Variants in ADGB observed in about 807,000 individuals in gnomAD.
The protein encoded by ADGB is calpain-7-like protein.
ADGB carries 172 observed loss-of-function variants against 210.5 expected under a neutral mutation model. The ratio of observed to expected loss-of-function variants is 0.82; its 90% confidence interval spans 0.72 to 0.93. The LOEUF is 0.93. Ranked by LOEUF, ADGB falls within the 40% of genes least tolerant of loss-of-function variation. The pLI, the probability that ADGB is intolerant of heterozygous loss-of-function variation, is 0.00. For synonymous variants in ADGB, 658 were observed against 662.7 expected (o/e 0.99, Z 0.11); for missense variants, 2,025 against 1,964.8 (o/e 1.03, Z -0.58).
chr6:146,772,508 G>A (rs1320641518), intron 29 of ADGB, among the ~76,000 whole-genome samples: 3 of 147,478 alleles, frequency 2.0e-5, no homozygotes, highest in African/African-American at 4.9e-5. Context: ...TTTGAATGGG[G>A]AAAATAATAA....
At chr6:146,721,380 A>C in intron 16 of ADGB, 23 bp from the exon 17 acceptor site, 1 of 1,388,868 alleles carries the variant, frequency 7.2e-7, no homozygotes, top group South Asian at 1.2e-5. Flanking sequence ...ATTAAGTATG[A>C]CAACTGGTCT....
intron 13 of ADGB, among the ~76,000 whole-genome samples, chr6:146,706,338 C>A (rs984518020): frequency 6.6e-6 from 1 of 151,612 alleles, no homozygotes; most frequent in African/African-American, 2.4e-5. Flanking sequence ...CGGGTCACTG[C>A]AACCTCTGCC....
At chr6:146,740,318 A>AC in intron 23 of ADGB, 141 bp from the exon 24 acceptor site, 1 of 729,378 alleles carries the variant, frequency 1.4e-6, no homozygotes, top group Non-Finnish European at 2.2e-6. Flanking sequence ...GACTACACAG[A>AC]CCCCCTTTGA....
Position 146,672,320 on chromosome 6 carries a change from G to A in ADGB, c.940G>A (p.Asp314Asn). ...CTCTGAAAGCAAAATAGCAGTGTTAGATTCTAAATTAAAAGAACCAGGGAA... is the reference window on the plus strand; with the variant it reads ...CTCTGAAAGCAAAATAGCAGTGTTAAATTCTAAATTAAAAGAACCAGGGAA... ...ASSESKIAVL[D>N]SKLKEPGKEG... The change falls in exon 8 of 36, where the codon GAT becomes AAT. Residue 314 changes from aspartate (D) to asparagine (N), a missense_variant. Transcript: ENST00000397944. 2 of 1,551,228 alleles carry A rather than the reference G, an allele frequency of 1.3e-6. No homozygotes were observed. The highest frequency in any genetic ancestry group is 1.7e-6 in the Non-Finnish European group (2 of 1,146,796).
chr6:146,742,273 A>AT (rs1380334263), intron 25 of ADGB, among the ~76,000 whole-genome samples: 5 of 151,798 alleles, frequency 3.3e-5, no homozygotes, highest in South Asian at 2.1e-4. Context: ...TTCTTGAAAG[A>AT]TTTTTTACCA....
intron 33 of ADGB, among the ~76,000 whole-genome samples, chr6:146,789,198 A>G (rs1777921355): frequency 6.6e-6 from 1 of 152,154 alleles, no homozygotes; most frequent in African/African-American, 2.4e-5. Flanking sequence ...AAAGGGAACT[A>G]AATGTCCTAT....
chr6:146,663,051 AAAT>A (rs1423067244), intron 5 of ADGB, among the ~76,000 whole-genome samples: 4 of 144,292 alleles, frequency 2.8e-5, no homozygotes, highest in African/African-American at 7.6e-5. Flanking sequence ...ATATAGATCA[AAAT>A]AATCTTATTA....
intron 1 of ADGB, among the ~76,000 whole-genome samples, chr6:146,609,436 C>T (rs1780675102): frequency 6.6e-6 from 1 of 152,102 alleles, no homozygotes; most frequent in Non-Finnish European, 1.5e-5. Flanking sequence ...GTTACGTAGA[C>T]TTGTCTGTGT....
At chr6:146,704,007 A>G (rs1400242373) in intron 13 of ADGB, among the ~76,000 whole-genome samples, 3 of 151,892 alleles carry the variant, frequency 2.0e-5, no homozygotes, top group African/African-American at 7.2e-5. Flanking sequence ...CCATTTTAAC[A>G]GGTGTGAAGT....
At chr6:146,658,638 A>C (rs1775816232) in intron 5 of ADGB, among the ~76,000 whole-genome samples, 3 of 152,210 alleles carry the variant, frequency 2.0e-5, no homozygotes, top group Admixed American at 2.0e-4. Flanking sequence ...ATTCATTAAC[A>C]TCACTTTCCA....
intron 14 of ADGB, among the ~76,000 whole-genome samples, chr6:146,716,645 T>C (rs997823323): frequency 1.4e-5 from 2 of 146,072 alleles, no homozygotes; most frequent in Non-Finnish European, 3.0e-5. Context: ...AACAAATTCG[T>C]CAAAGTAATT....
At chr6:146,631,934 G>A (rs1781071930) in intron 1 of ADGB, among the ~76,000 whole-genome samples, 1 of 150,518 alleles carries the variant, frequency 6.6e-6, no homozygotes, top group Admixed American at 6.6e-5. Flanking sequence ...TCTGCTAGCT[G>A]CATTTAGGTC....
intron 1 of ADGB, among the ~76,000 whole-genome samples, chr6:146,600,922 A>G (rs1294398352): frequency 1.2e-5 from 1 of 83,442 alleles, no homozygotes; most frequent in African/African-American, 4.7e-5. Flanking sequence ...CCCCTCCCCC[A>G]TGCGCACACA....
chr6:146,746,078 T>C lies in ADGB; in HGVS notation c.3334T>C (p.Tyr1112His), dbSNP rs1276386365. ...TGCCATAAAGGAAATCCGAGATTAC[T>C]ACATACCCAATGATAAGAAAATTTT... ...SFAIKEIRDY[Y>H]IPNDKKILFR... is the part of the protein sequence containing the mutation. The change falls in exon 26 of 36, where the codon TAC becomes CAC. Residue 1112 changes from tyrosine to histidine, a missense_variant. Tyr to His is a moderately conservative substitution (Grantham distance 83). Coordinates refer to ENST00000397944, the MANE Select transcript of ADGB (RefSeq NM_024694.4). 9 of 1,547,616 alleles carry C rather than the reference T, an allele frequency of 5.8e-6. No homozygotes were observed. The highest frequency in any genetic ancestry group is 7.9e-6 in the Non-Finnish European group (9 of 1,144,542).
In ADGB at chr6:146,742,968, G is replaced by A. The variant is rs536102686; in HGVS notation, c.3177+1697G>A. ...AAGACAATTCTTCCACTGTGGCCCA[G>A]GGAAGCCAAATATTGGAAACCCCTC... On this transcript the variant is annotated intron_variant, in intron 25 of 35. Coordinates refer to ENST00000397944, the MANE Select transcript of ADGB (RefSeq NM_024694.4). Among the ~76,000 whole-genome samples, 4 of 152,162 alleles carry A rather than the reference G, an allele frequency of 2.6e-5. No individual in the cohort carries two copies. The East Asian group carries it at 7.7e-4, about 29-fold the overall frequency.
At chr6:146,765,884 A>G (rs990681049) in intron 28 of ADGB, among the ~76,000 whole-genome samples, 8 of 151,980 alleles carry the variant, frequency 5.3e-5, no homozygotes, top group African/African-American at 1.9e-4. Flanking sequence ...TAATGATGAG[A>G]GCAGAAATCA....
intron 9 of ADGB, among the ~76,000 whole-genome samples, chr6:146,683,859 T>A (rs1400998079): frequency 6.6e-6 from 1 of 152,130 alleles, no homozygotes; most frequent in Non-Finnish European, 1.5e-5. Flanking sequence ...TGTGATAATA[T>A]TAAATATTAA....
intron 1 of ADGB, among the ~76,000 whole-genome samples, chr6:146,633,713 G>A (rs1781097794): frequency 6.6e-6 from 1 of 151,908 alleles, no homozygotes; most frequent in South Asian, 2.1e-4. Flanking sequence ...TTTAAAAATT[G>A]AGTACCTTAA....
rs556865984 is a variant in ADGB at position 146,757,738 on chromosome 6, T to TGTTTTAAA, written c.3550+5025_3550+5032dup. Among the ~76,000 whole-genome samples, 486 of 151,978 alleles carry TGTTTTAAA rather than the reference T, an allele frequency of 3.2e-3. 2 individuals carry two copies. Among genetic ancestry groups the TGTTTTAAA allele is most frequent in the African/African-American group, 0.011 (467 of 41,562 alleles). On this transcript the variant is annotated intron_variant, in intron 27 of 35. Coordinates refer to ENST00000397944, the MANE Select transcript of ADGB (RefSeq NM_024694.4). The stretch of plus-strand genomic sequence containing the variant: ...TTTTTACTTTAAATTTAAATTTTAA[T>TGTTTTAAA]GTTTTAAATAATTTTAAATAAATAA...
Sources: allele counts gnomAD v4.1 joint callset (sites outside exome capture counted in the v4.1 genomes callset), GRCh38; gene constraint gnomAD v4.1.1; transcripts MANE v1.5; gene names NCBI Gene and HGNC (gene_info 2026-07-23, HGNC 2026-07-21).